Variants in SIL1 observed in about 807,000 individuals in gnomAD.
SIL1 encodes the protein nucleotide exchange factor SIL1.
A neutral mutation model predicts 49.1 loss-of-function variants in SIL1; 40 were observed. The observed-to-expected ratio is 0.81, with a 90% confidence interval of 0.63 to 1.06. The LOEUF is 1.06. Among genes scored for constraint, SIL1 ranks in the 50% least tolerant of loss-of-function variants. The pLI, the probability that SIL1 is intolerant of heterozygous loss-of-function variation, is 0.00. For synonymous variants in SIL1, 253 were observed against 250.8 expected (o/e 1.01, Z -0.08); for missense variants, 500 against 572.6 (o/e 0.87, Z 1.29).
intron 3 of SIL1, among the ~76,000 whole-genome samples, chr5:139,101,161 C>A (rs1456207649): frequency 6.6e-6 from 1 of 152,102 alleles, no homozygotes; most frequent in Admixed American, 6.6e-5. Context: ...CCCTAACTCT[C>A]AGAATATAAC....
intron 1 of SIL1, among the ~76,000 whole-genome samples, chr5:139,178,624 T>C (rs542086683): frequency 7.9e-5 from 12 of 152,198 alleles, no homozygotes; most frequent in African/African-American, 2.9e-4. Context: ...GCTTGGTAAA[T>C]ACTTGTTTGG....
At chr5:139,155,426 A>G (rs960411606) in intron 1 of SIL1, 2 of 150,230 alleles carry the variant, frequency 1.3e-5, no homozygotes, top group African/African-American at 4.9e-5. Context: ...TTTCCTCAGT[A>G]TACACACACA....
intron 3 of SIL1, among the ~76,000 whole-genome samples, chr5:139,073,217 G>T (rs1388882975): frequency 2.6e-5 from 4 of 152,230 alleles, no homozygotes; most frequent in African/African-American, 7.2e-5. Context: ...ATAACCATAG[G>T]AAATAAAATC....
At chr5:138,998,388 G>A (rs184834793) in intron 7 of SIL1, among the ~76,000 whole-genome samples, 18 of 152,136 alleles carry the variant, frequency 1.2e-4, no homozygotes, top group Non-Finnish European at 2.1e-4. Flanking sequence ...CACTGGTCTC[G>A]AACTCTCAGG....
chr5:139,094,191 T>C lies in SIL1; in HGVS notation c.244+26844A>G, dbSNP rs542447329. 3.3e-5 allele frequency among the ~76,000 whole-genome samples: 5 copies of C among 152,244 alleles called. No individual in the cohort carries two copies. In the East Asian group the frequency reaches 9.6e-4, roughly 29 times the overall value. ...AGAAACAATAGGAATCATGTCCCCA[T>C]TGGAATGGGAAACCACTGGAAATCT... On this transcript the variant is annotated intron_variant, in intron 3 of 9. Coordinates refer to ENST00000394817, the MANE Select transcript of SIL1 (RefSeq NM_022464.5).
intron 1 of SIL1, among the ~76,000 whole-genome samples, chr5:139,184,161 G>A (rs1158376164): frequency 1.3e-5 from 2 of 152,132 alleles, no homozygotes; most frequent in African/African-American, 4.8e-5. Context: ...GAGGAAAGAG[G>A]AATCACCACC....
At chr5:139,052,948 A>T (rs1278660324) in intron 3 of SIL1, among the ~76,000 whole-genome samples, 1 of 152,126 alleles carries the variant, frequency 6.6e-6, no homozygotes, top group Non-Finnish European at 1.5e-5. Flanking sequence ...TATTCCTAGG[A>T]TGGGAAAATA....
At chr5:139,070,936 A>T (rs1050852701) in intron 3 of SIL1, among the ~76,000 whole-genome samples, 7 of 152,194 alleles carry the variant, frequency 4.6e-5, no homozygotes, top group African/African-American at 1.7e-4. Context: ...AAGAAATGAT[A>T]GATTTGAGTA....
chr5:139,139,234 T>C (rs1751034916), intron 1 of SIL1, among the ~76,000 whole-genome samples: 1 of 152,188 alleles, frequency 6.6e-6, no homozygotes, highest in African/African-American at 2.4e-5. Flanking sequence ...GTATGTGCGA[T>C]GGGCTTTCTC....
intron 2 of SIL1, among the ~76,000 whole-genome samples, chr5:139,125,983 C>G (rs1750744944): frequency 6.6e-6 from 1 of 152,170 alleles, no homozygotes; most frequent in Non-Finnish European, 1.5e-5. Flanking sequence ...TGCCCCAATG[C>G]CTTTGGGGAG....
intron 1 of SIL1, among the ~76,000 whole-genome samples, chr5:139,159,299 G>C (rs1230478961): frequency 6.6e-6 from 1 of 152,252 alleles, no homozygotes; most frequent in African/African-American, 2.4e-5. Flanking sequence ...GCAAAGAGGG[G>C]ATGGAGAAGA....
At chr5:138,992,231 G>A (rs1767775265) in intron 7 of SIL1, among the ~76,000 whole-genome samples, 2 of 152,246 alleles carry the variant, frequency 1.3e-5, no homozygotes. Flanking sequence ...GCTTGTGTGA[G>A]TGATGAAGAA....
chr5:138,966,781 A>G (rs1767153620), intron 7 of SIL1, among the ~76,000 whole-genome samples: 1 of 152,196 alleles, frequency 6.6e-6, no homozygotes, highest in East Asian at 1.9e-4. Context: ...GCTCATCAAC[A>G]AACTGAGTCA....
chr5:139,104,630 C>G (rs773259925), intron 3 of SIL1, among the ~76,000 whole-genome samples: 1 of 152,222 alleles, frequency 6.6e-6, no homozygotes, highest in Non-Finnish European at 1.5e-5. Context: ...GCCTGGAGGC[C>G]TCAACGACCC....
chr5:139,079,963 C>T (rs1770037048), intron 3 of SIL1, among the ~76,000 whole-genome samples: 1 of 152,300 alleles, frequency 6.6e-6, no homozygotes, highest in Middle Eastern at 3.4e-3. Context: ...TCTCATGTAG[C>T]CACAGCTATC....
chr5:139,163,353 A>C (rs1020124928), intron 1 of SIL1, among the ~76,000 whole-genome samples: 14 of 151,986 alleles, frequency 9.2e-5, no homozygotes, highest in Non-Finnish European at 1.5e-4. Context: ...GAAATGCTTC[A>C]CTGTTTTGTT....
intron 4 of SIL1, among the ~76,000 whole-genome samples, chr5:139,043,170 C>T (rs1015748410): frequency 6.6e-6 from 1 of 152,108 alleles, no homozygotes; most frequent in Non-Finnish European, 1.5e-5. Context: ...AGAGGAAAGA[C>T]GCAGCTGAAA....
intron 1 of SIL1, among the ~76,000 whole-genome samples, chr5:139,136,923 G>A (rs564491171): frequency 2.6e-5 from 4 of 152,260 alleles, no homozygotes; most frequent in African/African-American, 9.6e-5. Flanking sequence ...GGACAATGAT[G>A]GGCATCAGTC....
intron 1 of SIL1, among the ~76,000 whole-genome samples, chr5:139,181,254 C>T (rs374219049): frequency 6.6e-6 from 1 of 152,118 alleles, no homozygotes. Flanking sequence ...CAGTGGGAAA[C>T]ATGGCTCATC....
Sources: gnomAD v4.1 joint callset for allele counts (sites outside exome capture counted in the v4.1 genomes callset) on GRCh38, gnomAD v4.1.1 for gene constraint, MANE v1.5 for transcripts, NCBI Gene and HGNC (gene_info 2026-07-23, HGNC 2026-07-21) for gene names.